The following CAND2 variants were observed in gnomAD, a reference collection of about 807,000 sequenced individuals.
CAND2 encodes the protein cullin-associated NEDD8-dissociated protein 2.
In CAND2, 62 loss-of-function variants were observed where a neutral mutation model predicts 98.9. That is an observed-to-expected ratio of 0.63 (90% CI 0.51 to 0.77). The LOEUF (loss-of-function observed/expected upper bound fraction) is 0.77, where lower values mean the gene tolerates loss of function less well. Ranked by LOEUF, CAND2 falls within the 30% of genes least tolerant of loss-of-function variation. The probability of loss-of-function intolerance (pLI) is 0.00; values close to 1 mark genes in which losing one functional copy is unlikely to be tolerated. For synonymous variants in CAND2, 770 were observed against 731.9 expected, an observed-to-expected ratio of 1.05 and a Z score of -0.84; for missense variants, 1,501 against 1,655.2, an observed-to-expected ratio of 0.91 and a Z score of 1.62.
chr3:12,825,432 GC>G (rs772803155), intron 11 of CAND2, 37 bp from the exon 12 acceptor site: 28 of 1,531,754 alleles, frequency 1.8e-5, no homozygotes, highest in Non-Finnish European at 2.3e-5. Flanking sequence ...TTGTGCTTTG[GC>G]TGTGCATCCC....
rs774836574 is a variant in CAND2, at chr3:12,817,092, A to G, written c.2160A>G (p.Thr720=). 6 of 1,612,832 alleles carry G rather than the reference A, an allele frequency of 3.7e-6. No homozygotes were observed. The highest frequency in any genetic ancestry group is 1.3e-5 in the African/African-American group (1 of 74,922). ...AGCTGGCTGTGGACTTCCTTGCCAC[A>G]GTGACCCAGGCCCAGCCAGCCTCTT... ...VAQLAVDFLA[T]VTQAQPASLV... is the part of the protein sequence containing the mutation. Residue 720 remains threonine, a synonymous_variant, in exon 10 of 15, where the codon ACA becomes ACG. Transcript: ENST00000456430.
Position 12,816,843 on chromosome 3 carries a change from G to T in CAND2, c.1911G>T (p.Val637=), listed in dbSNP as rs935699952. ...RLPAIKALTL[V]AVSPLQLDLQ... ...CCGCCATCAAGGCGCTTACGCTGGTGGCCGTATCCCCACTACAGCTTGACC... is the reference window on the plus strand; with the variant it reads ...CCGCCATCAAGGCGCTTACGCTGGTTGCCGTATCCCCACTACAGCTTGACC... Residue 637 remains valine, a synonymous_variant, in exon 10 of 15, where the codon GTG becomes GTT. Transcript: ENST00000456430. 4.3e-6 allele frequency: 7 copies of T among 1,613,680 alleles called. No individual in the cohort carries two copies. The African/African-American group carries it at 9.3e-5, about 22-fold the overall frequency.
Position 12,817,385 on chromosome 3 carries a change from A to G in CAND2, c.2453A>G (p.Glu818Gly). Residue 818 changes from glutamate (E) to glycine (G), a missense_variant, in exon 10 of 15, where the codon GAG (glutamate) becomes GGG (glycine). Glu to Gly is a moderately conservative substitution (Grantham distance 98). Around this residue, in one of 3 missense-constraint regions of CAND2, gnomAD observed 1,427 missense variants for 1,545.3 expected, o/e 0.92. Transcript: ENST00000456430. ...GCCCTCTCAGCTGCCTGTCCCCAAG[A>G]GGCGGCAAGCACAGCCAGTCGCCTG... Reference protein sequence around the residue: ...VAALSAACPQEAASTASRLVC... With the variant: ...VAALSAACPQGAASTASRLVC... The G allele has an allele frequency of 2.5e-6, 4 of 1,613,796 alleles. No individual in the cohort carries two copies. The Admixed American group carries it at 5.0e-5, about 20-fold the overall frequency.
chr3:12,819,523 C>G (rs1423256062), intron 10 of CAND2, among the ~76,000 whole-genome samples: 5 of 152,144 alleles, frequency 3.3e-5, no homozygotes, highest in African/African-American at 1.2e-4. Context: ...TAAGCAAGCT[C>G]TCTGTGACCG....
chr3:12,824,612 CAT>C (rs2061985126), intron 11 of CAND2, among the ~76,000 whole-genome samples: 1 of 152,132 alleles, frequency 6.6e-6, no homozygotes, highest in South Asian at 2.1e-4. Context: ...ACATTCAAAT[CAT>C]AGCACTGTAC....
chr3:12,806,893 C>T (rs1040900905), intron 2 of CAND2, among the ~76,000 whole-genome samples: 4 of 152,350 alleles, frequency 2.6e-5, no homozygotes, highest in Non-Finnish European at 5.9e-5. Flanking sequence ...CTCCCTGGAC[C>T]ACCTACAGTA....
chr3:12,796,865 C>A, intron 1 of CAND2, 77 bp downstream of exon 1: 1 of 1,173,506 alleles, frequency 8.5e-7, no homozygotes, highest in Non-Finnish European at 1.2e-6. Flanking sequence ...GAAGCGCCAG[C>A]CCATCCCCCA....
At chr3:12,804,893 G>T (rs1369866372) in intron 2 of CAND2, among the ~76,000 whole-genome samples, 1 of 152,218 alleles carries the variant, frequency 6.6e-6, no homozygotes, top group Non-Finnish European at 1.5e-5. Context: ...GTAGGAAGGT[G>T]ACATGGACAA....
chr3:12,825,401 G>C lies in CAND2; in HGVS notation c.3041-69G>C. 11 of 1,443,604 alleles carry C rather than the reference G, an allele frequency of 7.6e-6. No homozygotes were observed. The South Asian group carries it at 1.4e-4, about 19-fold the overall frequency. 89.4% of individuals were successfully genotyped at this position (1,443,604 alleles called of 1,614,324 possible). On this transcript the variant is annotated intron_variant, in intron 11 of 14. Coordinates refer to ENST00000456430, the MANE Select transcript of CAND2 (RefSeq NM_001162499.2). The stretch of plus-strand genomic sequence containing the variant: ...GCACGTGCACAGTAACCAGATGGCC[G>C]GGGTGGTGAGGGAGGTGACTTTGTG...
At chr3:12,805,378 C>T (rs2061799252) in intron 2 of CAND2, among the ~76,000 whole-genome samples, 1 of 151,766 alleles carries the variant, frequency 6.6e-6, no homozygotes. Flanking sequence ...ACCTCCCCCT[C>T]CCAGGTTCAA....
At chr3:12,820,527 T>C (rs1301710300) in intron 11 of CAND2, among the ~76,000 whole-genome samples, 1 of 152,132 alleles carries the variant, frequency 6.6e-6, no homozygotes, top group Admixed American at 6.5e-5. Context: ...ACATATAGAC[T>C]CTTGGGAATG....
intron 7 of CAND2, among the ~76,000 whole-genome samples, chr3:12,813,972 G>A (rs1038397846): frequency 6.6e-6 from 1 of 152,248 alleles, no homozygotes; most frequent in African/African-American, 2.4e-5. Flanking sequence ...CATCGATGGA[G>A]ACGATGGATT....
At chr3:12,825,364 T>C in intron 11 of CAND2, 106 bp from the exon 12 acceptor site, 6 of 1,128,654 alleles carry the variant, frequency 5.3e-6, no homozygotes, top group Non-Finnish European at 7.5e-6. Flanking sequence ...TTACCCCCAT[T>C]CAGCCAGTTC....
At chr3:12,803,705 T>C in intron 2 of CAND2, 74 bp downstream of exon 2, 1 of 1,401,386 alleles carries the variant, frequency 7.1e-7, no homozygotes, top group South Asian at 1.5e-5. Context: ...CCGCTGTCCC[T>C]TTGGGGTACA....
chr3:12,797,186 C>G (rs550590422), intron 1 of CAND2, among the ~76,000 whole-genome samples: 1,497 of 148,052 alleles, frequency 0.01, 27 homozygotes, highest in African/African-American at 0.035. Context: ...CCCGCCCCCA[C>G]CACCTTCAGC....
At chr3:12,813,187 C>G (rs989284863) in intron 6 of CAND2, 59 bp from the exon 7 acceptor site, 8 of 1,600,022 alleles carry the variant, frequency 5.0e-6, no homozygotes, top group Non-Finnish European at 6.8e-6. Flanking sequence ...CCATTGGGCC[C>G]TGTCCCCCAC....
chr3:12,822,209 A>C (rs959111685), intron 11 of CAND2, among the ~76,000 whole-genome samples: 1 of 151,592 alleles, frequency 6.6e-6, no homozygotes, highest in East Asian at 1.9e-4. Context: ...TTCCCACTTC[A>C]TTCCGTGGGC....
Position 12,833,988 on chromosome 3 carries a change from T to C in CAND2, c.*6T>C. On this transcript the variant is annotated 3_prime_UTR_variant, in exon 15 of 15. Coordinates refer to ENST00000456430, the MANE Select transcript of CAND2 (RefSeq NM_001162499.2). ...ACTCAATGGAGCTCAGCTAGTCCCC[T>C]CAGCACCAAGGTGGGCCCTCGCTTA... is the stretch of plus-strand genomic sequence containing the variant. 1.2e-6 allele frequency: 2 copies of C among 1,612,484 alleles called. No individual in the cohort carries two copies. Among genetic ancestry groups the C allele is most frequent in the Non-Finnish European group, 1.7e-6 (2 of 1,178,608 alleles).
rs1246884519 is a variant in CAND2 at position 12,815,283 on chromosome 3, C to T, written c.1149C>T (p.Arg383=). 3.2e-5 allele frequency: 51 copies of T among 1,613,870 alleles called. No individual in the cohort carries two copies. The highest frequency in any genetic ancestry group is 4.0e-5 in the Non-Finnish European group (47 of 1,180,054). ...GCACCCTGGCACCTGTGCTCATCCG[C>T]CGCTTCAAAGAACGCGAGGAGAACG... ...FHCTLAPVLI[R]RFKEREENVK... The change falls in exon 8 of 15, where the codon CGC becomes CGT. Residue 383 remains arginine, a synonymous_variant. Transcript: ENST00000456430. The surrounding 1 kb of genome is among the most constrained non-coding windows in gnomAD (Gnocchi z 5.7).
Sources: allele counts gnomAD v4.1 joint callset (sites outside exome capture counted in the v4.1 genomes callset), GRCh38; gene constraint gnomAD v4.1.1; regional missense constraint gnomAD v4.1.1; non-coding constraint Gnocchi (gnomAD v3.1); transcripts MANE v1.5; gene names NCBI Gene and HGNC (gene_info 2026-07-23, HGNC 2026-07-21).